PLK4: variants seen among roughly 807,000 people sequenced by gnomAD.
PLK4 encodes the protein serine/threonine-protein kinase PLK4.
In PLK4, 51 loss-of-function variants were observed where a neutral mutation model predicts 103.0. That is an observed-to-expected ratio of 0.50 (90% CI 0.40 to 0.63). PLK4 has a LOEUF of 0.63. Ranked by LOEUF, PLK4 falls within the 20% of genes least tolerant of loss-of-function variation. The probability of loss-of-function intolerance (pLI) is 0.00; values close to 1 mark genes in which losing one functional copy is unlikely to be tolerated. For synonymous variants in PLK4, 389 were observed against 376.8 expected, an observed-to-expected ratio of 1.03 and a Z score of -0.38; for missense variants, 1,054 against 1,151.0, an observed-to-expected ratio of 0.92 and a Z score of 1.22.
chr4:127,889,416 T>C (rs555258167), intron 6 of PLK4, among the ~76,000 whole-genome samples: 144 of 152,278 alleles, frequency 9.5e-4, no homozygotes, highest in African/African-American at 3.4e-3. Context: ...CATATTTTCA[T>C]TAATTGCAGG....
Position 127,883,536 on chromosome 4 carries a change from C to T in PLK4, c.320C>T (p.Pro107Leu). The change falls in exon 4 of 16, where the codon CCC becomes CTC. Residue 107 changes from proline (P) to leucine (L), a missense_variant. Physicochemically the swap from Pro to Leu is moderately conservative, Grantham distance 98. This residue lies in a region of PLK4 where 199 missense variants were observed against 270.1 expected (regional missense o/e 0.74). Transcript: ENST00000270861. ...MNRYLKNRVK[P>L]FSENEARHFM... ...AGGTATCTAAAGAATAGAGTGAAAC[C>T]CTTCTCAGAAAATGAAGGTAGGTGT... 4.0e-6 allele frequency: 6 copies of T among 1,487,792 alleles called. No homozygotes were observed. The highest frequency in any genetic ancestry group is 5.6e-6 in the Non-Finnish European group (6 of 1,072,800). 92.2% of individuals were successfully genotyped at this position (1,487,792 alleles called of 1,614,324 possible). A position where few individuals can be genotyped will look rare whatever the true frequency, so the allele number is the denominator to read the frequency against.
intron 1 of PLK4, 99 bp downstream of exon 1, chr4:127,881,263 G>A (rs1734906490): frequency 6.3e-7 from 1 of 1,588,556 alleles, no homozygotes; most frequent in Non-Finnish European, 8.6e-7. Context: ...TAACGGCTGC[G>A]GGGCGGGCAC....
Position 127,881,131 on chromosome 4 carries a change from A to G in PLK4, c.-4A>G, listed in dbSNP as rs200812457. ...CCGGAGAACCCAGGCCAGAGCCTGG[A>G]AATATGGCGACCTGCATCGGGGAGA... On this transcript the variant is annotated 5_prime_UTR_variant, in exon 1 of 16. Transcript: ENST00000270861. 4.0e-4 allele frequency: 645 copies of G among 1,614,006 alleles called. No individual in the cohort carries two copies. The highest frequency in any genetic ancestry group is 1.9e-3 in the South Asian group (171 of 91,090).
Position 127,898,579 on chromosome 4 carries a change from CT to C in PLK4, c.*44del. 1.0e-6 allele frequency: 1 copy of C among 980,316 alleles called. No individual in the cohort carries two copies. The highest frequency in any genetic ancestry group is 1.4e-5 in the South Asian group (1 of 69,240). The allele number at this position is 980,316 out of a possible 1,614,324, so 60.7% of individuals were successfully genotyped here. A position where few individuals can be genotyped will look rare whatever the true frequency, so the allele number is the denominator to read the frequency against. On this transcript the variant is annotated 3_prime_UTR_variant, in exon 16 of 16. Coordinates refer to ENST00000270861, the MANE Select transcript of PLK4 (RefSeq NM_014264.5). The stretch of plus-strand genomic sequence containing the variant: ...TCAGACATATAAGTTTAATAAATAA[CT>C]TTTTTGTTGACTTTCAAGTAAAGTG...
rs1441755006 is a variant in PLK4, at chr4:127,881,126, C to G, written c.-9C>G. The G allele has an allele frequency of 5.0e-6, 8 of 1,613,928 alleles. No homozygotes were observed. The highest frequency in any genetic ancestry group is 6.8e-6 in the Non-Finnish European group (8 of 1,179,978). On this transcript the variant is annotated 5_prime_UTR_variant, in exon 1 of 16. Transcript: ENST00000270861. ...CTAATCCGGAGAACCCAGGCCAGAGCCTGGAAATATGGCGACCTGCATCGG... is the reference window on the plus strand; with the variant it reads ...CTAATCCGGAGAACCCAGGCCAGAGGCTGGAAATATGGCGACCTGCATCGG...
intron 1 of PLK4, chr4:127,881,421 A>C (rs2148814802): frequency 2.1e-6 from 3 of 1,399,932 alleles, no homozygotes; most frequent in Middle Eastern, 5.3e-4. Flanking sequence ...GCTTTCTTTC[A>C]GCAATCCCGC....
At position 127,881,045 on chromosome 4, in the gene PLK4, C is replaced by A; in HGVS notation, c.-90C>A. 2 of 1,475,260 alleles carry A rather than the reference C, an allele frequency of 1.4e-6. No individual in the cohort carries two copies. The highest frequency in any genetic ancestry group is 1.9e-6 in the Non-Finnish European group (2 of 1,059,574). The allele number at this position is 1,475,260 out of a possible 1,614,324, so 91.4% of individuals were successfully genotyped here. On this transcript the variant is annotated 5_prime_UTR_variant, in exon 1 of 16. Transcript: ENST00000270861. ...GGTTTAGAGAGCCGAGCCTGATGGG[C>A]GCCAAGGCCGGCTGGCTGCTTGGAG...
chr4:127,883,517 C>G lies in PLK4; in HGVS notation c.301C>G (p.Leu101Val). 1 of 1,543,566 alleles carries G rather than the reference C, an allele frequency of 6.5e-7. No homozygotes were observed. Among genetic ancestry groups the G allele is most frequent in the Non-Finnish European group, 9.0e-7 (1 of 1,117,106 alleles). Residue 101 changes from leucine to valine, a missense_variant, in exon 4 of 16, where the codon CTA becomes GTA. By Grantham distance (32) the Leu-to-Val change is conservative (BLOSUM62 1). Transcript: ENST00000270861. Reference sequence around the variant, plus strand: ...CCATAATGGAGAAATGAACAGGTATCTAAAGAATAGAGTGAAACCCTTCTC... The same window carrying G: ...CCATAATGGAGAAATGAACAGGTATGTAAAGAATAGAGTGAAACCCTTCTC... Reference protein sequence around the residue: ...MCHNGEMNRYLKNRVKPFSEN... With the variant: ...MCHNGEMNRYVKNRVKPFSEN...
At chr4:127,883,738 C>T (rs1158998025) in intron 4 of PLK4, among the ~76,000 whole-genome samples, 185 bp downstream of exon 4, 1 of 152,144 alleles carries the variant, frequency 6.6e-6, no homozygotes, top group Non-Finnish European at 1.5e-5. Flanking sequence ...TCAATTATTA[C>T]GGTAGTAAAG....
chr4:127,894,507 C>T (rs1430666568), intron 13 of PLK4, among the ~76,000 whole-genome samples: 3 of 152,122 alleles, frequency 2.0e-5, no homozygotes, highest in South Asian at 2.1e-4. Context: ...GGATTACAGG[C>T]GTGAGCCACC....
chr4:127,885,923 C>T lies in PLK4; in HGVS notation c.553C>T (p.Arg185Ter), dbSNP rs968676193. The change falls in exon 5 of 16, where the codon CGA becomes TGA. Residue 185 changes from arginine to a stop codon, truncating the protein, a stop_gained. Coordinates refer to ENST00000270861, the MANE Select transcript of PLK4 (RefSeq NM_014264.5). LOFTEE classifies it high-confidence loss of function. ...CTACATTTCACCAGAAATTGCCACT[C>T]GAAGTGCACATGGCCTTGAATCTGA... ...PNYISPEIAT[R>*]SAHGLESDVW... The T allele has an allele frequency of 4.3e-6, 7 of 1,614,068 alleles. No individual in the cohort carries two copies. The highest frequency in any genetic ancestry group is 1.7e-5 in the Admixed American group (1 of 60,022).
chr4:127,896,908 G>C lies in PLK4; in HGVS notation c.2810+1G>C. 6.5e-7 allele frequency: 1 copy of C among 1,536,280 alleles called. No homozygotes were observed. Among genetic ancestry groups the C allele is most frequent in the East Asian group, 2.3e-5 (1 of 44,434 alleles). On this transcript the variant is annotated splice_donor_variant, in intron 15 of 15. Coordinates refer to ENST00000270861, the MANE Select transcript of PLK4 (RefSeq NM_014264.5). LOFTEE classifies it high-confidence loss of function. ...CCTCACCAAATGGTCAAACAACTAG[G>C]TAAGTTCTTAAAATACTGGTCGAGA...
chr4:127,892,526 T>C lies in PLK4; in HGVS notation c.2188+12T>C, dbSNP rs780662601. 8.8e-6 allele frequency: 14 copies of C among 1,597,826 alleles called. No individual in the cohort carries two copies. Among genetic ancestry groups the C allele is most frequent in the Non-Finnish European group, 1.1e-5 (13 of 1,171,878 alleles). On this transcript the variant is annotated intron_variant, in intron 10 of 15. Transcript: ENST00000270861. ...TTGGTTTTATGATGGTAAGTACCAT[T>C]TGGAAATGGTAATTTGTTCCTTTAG... is the stretch of plus-strand genomic sequence containing the variant.
intron 9 of PLK4, 38 bp from the exon 10 acceptor site, chr4:127,892,327 C>A: frequency 6.6e-6 from 9 of 1,360,212 alleles, no homozygotes; most frequent in Non-Finnish European, 9.2e-6. Context: ...GTCAGGTCAA[C>A]ACTTTCTTCC....
rs373445088 is a variant in PLK4 at position 127,889,971 on chromosome 4, C to G, written c.1565C>G (p.Thr522Arg). 54 of 1,613,846 alleles carry G rather than the reference C, an allele frequency of 3.3e-5. No homozygotes were observed. Among genetic ancestry groups the G allele is most frequent in the Non-Finnish European group, 4.2e-5 (50 of 1,179,904 alleles). The change falls in exon 7 of 16, where the codon ACA (threonine) becomes AGA (arginine). Residue 522 changes from threonine (T) to arginine (R), a missense_variant. This residue lies in a region of PLK4 where 680 missense variants were observed against 660.3 expected (regional missense o/e 1.03). Transcript: ENST00000270861. The stretch of plus-strand genomic sequence containing the variant: ...ACATCAAAAAATGCCTGGACTGATA[C>G]AAAAGTCAAAAAGAACTCTGATGCT... ...KDTSKNAWTD[T>R]KVKKNSDASD...
chr4:127,890,695 G>T (rs545746361), intron 7 of PLK4, among the ~76,000 whole-genome samples: 3 of 152,104 alleles, frequency 2.0e-5, no homozygotes, highest in African/African-American at 4.8e-5. Context: ...TAAGTTTAGA[G>T]TTTAAAAATT....
At chr4:127,898,147 A>G (rs1735648261) in intron 15 of PLK4, among the ~76,000 whole-genome samples, 1 of 152,004 alleles carries the variant, frequency 6.6e-6, no homozygotes, top group African/African-American at 2.4e-5. Flanking sequence ...GGGCCTTTTA[A>G]ATTTAATGAG....
chr4:127,892,389 A>G lies in PLK4; in HGVS notation c.2063A>G (p.Tyr688Cys), dbSNP rs745880025. 3 of 1,568,680 alleles carry G rather than the reference A, an allele frequency of 1.9e-6. No homozygotes were observed. In the East Asian group the frequency reaches 7.0e-5, roughly 37 times the overall value. ...GAAAAATACTGGCGAAAATATCAAT[A>G]TGCTTCCAGGTTTGTACAGCTTGTA... ...LPEKYWRKYQYASRFVQLVRS... is the reference protein window; with the variant it reads ...LPEKYWRKYQCASRFVQLVRS... The change falls in exon 10 of 16, where the codon TAT becomes TGT. Residue 688 changes from tyrosine (Y) to cysteine (C), a missense_variant. Tyr to Cys is a radical substitution (Grantham distance 194). Coordinates refer to ENST00000270861, the MANE Select transcript of PLK4 (RefSeq NM_014264.5).
Position 127,885,182 on chromosome 4 carries a change from A to C in PLK4, c.338-526A>C, listed in dbSNP as rs367681654. On this transcript the variant is annotated intron_variant, in intron 4 of 15. Coordinates refer to ENST00000270861, the MANE Select transcript of PLK4 (RefSeq NM_014264.5). ...ATTAAAAGGAATGCCTAGTTTTCTTAAAGGTTAATATGATAGGCCAGGCGC... is the reference window on the plus strand; with the variant it reads ...ATTAAAAGGAATGCCTAGTTTTCTTCAAGGTTAATATGATAGGCCAGGCGC... Among the ~76,000 whole-genome samples the C allele has an allele frequency of 4.3e-4, 65 of 152,094 alleles. No individual in the cohort carries two copies. In the South Asian group the frequency reaches 0.013, roughly 30 times the overall value.
Sources: gnomAD v4.1 joint callset for allele counts (sites outside exome capture counted in the v4.1 genomes callset) on GRCh38, gnomAD v4.1.1 for gene constraint, gnomAD v4.1.1 regional missense constraint, MANE v1.5 for transcripts, NCBI Gene and HGNC (gene_info 2026-07-23, HGNC 2026-07-21) for gene names.